Variants in SNCAIP observed in about 807,000 individuals in gnomAD.
SNCAIP encodes synuclein alpha interacting protein.
SNCAIP carries 43 observed loss-of-function variants against 86.7 expected under a neutral mutation model. The observed-to-expected ratio is 0.50, with a 90% CI of 0.39 to 0.64. The LOEUF is 0.64. Among genes scored for constraint, SNCAIP ranks in the 30% least tolerant of loss-of-function variants. SNCAIP has a pLI of 0.00. For missense variants in SNCAIP, 981 were observed against 1,103.1 expected, an observed-to-expected ratio of 0.89 and a Z score of 1.57; for synonymous variants, 417 against 427.2, an observed-to-expected ratio of 0.98 and a Z score of 0.29.
chr5:122,326,329 A>G (rs537593389), intron 1 of SNCAIP, among the ~76,000 whole-genome samples: 17 of 152,280 alleles, frequency 1.1e-4, no homozygotes, highest in African/African-American at 4.1e-4. Context: ...TAAGCCACAT[A>G]AAGTAGGTCA....
intron 1 of SNCAIP, among the ~76,000 whole-genome samples, chr5:122,367,154 A>G (rs1763350164): frequency 6.6e-6 from 1 of 152,104 alleles, no homozygotes; most frequent in South Asian, 2.1e-4. Flanking sequence ...AGAGATATCC[A>G]GGAGCAGATG....
At position 122,391,294 on chromosome 5, in the gene SNCAIP, A is replaced by G. The variant is rs575275803; in HGVS notation, c.57+103A>G. 327 of 869,426 alleles carry G rather than the reference A, an allele frequency of 3.8e-4. 4 individuals carry two copies. In the South Asian group the frequency reaches 4.1e-3, roughly 11 times the overall value. 53.9% of individuals were successfully genotyped at this position (869,426 alleles called of 1,614,324 possible). A position where few individuals can be genotyped will look rare whatever the true frequency, so the allele number is the denominator to read the frequency against. On this transcript the variant is annotated intron_variant, in intron 2 of 10. Transcript: ENST00000261368. ...CTATATATCCTCAACTTTTCTGACT[A>G]CATTTAGAAATTCACAGCAGAAATC...
intron 3 of SNCAIP, among the ~76,000 whole-genome samples, chr5:122,406,873 C>T (rs531875284): frequency 6.6e-6 from 1 of 152,068 alleles, no homozygotes; most frequent in South Asian, 2.1e-4. Flanking sequence ...AATATGATAC[C>T]CCACGAGACA....
At chr5:122,351,860 G>T (rs1209622756) in intron 1 of SNCAIP, among the ~76,000 whole-genome samples, 3 of 152,132 alleles carry the variant, frequency 2.0e-5, no homozygotes, top group African/African-American at 7.2e-5. Flanking sequence ...CCAGATGATG[G>T]CTTTGCTTAG....
intron 7 of SNCAIP, chr5:122,444,072 T>A (rs1435825235): frequency 2.2e-6 from 1 of 457,004 alleles, no homozygotes; most frequent in East Asian, 6.9e-5. Flanking sequence ...CTCAGCCATG[T>A]CATTTCTTTC....
intron 1 of SNCAIP, among the ~76,000 whole-genome samples, chr5:122,388,407 T>G (rs1227519595): frequency 6.6e-6 from 1 of 152,218 alleles, no homozygotes; most frequent in Non-Finnish European, 1.5e-5. Flanking sequence ...GAAGGCTTAT[T>G]GGTTTCCATA....
At chr5:122,315,914 G>T (rs910976602) in intron 1 of SNCAIP, among the ~76,000 whole-genome samples, 12 of 152,060 alleles carry the variant, frequency 7.9e-5, no homozygotes, top group Non-Finnish European at 1.6e-4. Context: ...CTGATTATAG[G>T]GGGTTAGTAA....
chr5:122,340,369 A>G lies in SNCAIP; in HGVS notation c.-47+28085A>G, dbSNP rs572545010. On this transcript the variant is annotated intron_variant, in intron 1 of 10. Transcript: ENST00000261368. ...ATTGTATATGTGAACACAGAGAGCC[A>G]TCATGTTTTCCCCTTCATTTATGCT... is the stretch of plus-strand genomic sequence containing the variant. Among the ~76,000 whole-genome samples the G allele has an allele frequency of 3.3e-5, 5 of 152,346 alleles. No individual in the cohort carries two copies. In the South Asian group the frequency reaches 1.0e-3, roughly 32 times the overall value.
chr5:122,451,137 C>G lies in SNCAIP; in HGVS notation c.2290C>G (p.Pro764Ala). 1 of 1,614,192 alleles carries G rather than the reference C, an allele frequency of 6.2e-7. No individual in the cohort carries two copies. Among genetic ancestry groups the G allele is most frequent in the East Asian group, 2.2e-5 (1 of 44,878 alleles). ...CGAACCAGACTTAGAATCCCAGTAT[C>G]CAGGCTCAGGGAGTATTCCTCCAAA... is the stretch of plus-strand genomic sequence containing the variant. ...SSEPDLESQY[P>A]GSGSIPPNQP... The change falls in exon 10 of 11, where the codon CCA (proline) becomes GCA (alanine). Residue 764 changes from proline to alanine, a missense_variant. Pro to Ala is a conservative substitution (Grantham distance 27). Transcript: ENST00000261368.
chr5:122,391,082 C>T lies in SNCAIP; in HGVS notation c.-46-7C>T, dbSNP rs551131912. On this transcript the variant is annotated splice_region_variant and splice_polypyrimidine_tract_variant and intron_variant, in intron 1 of 10. Coordinates refer to ENST00000261368, the MANE Select transcript of SNCAIP (RefSeq NM_005460.4). ...TTGCCTTTCTTTTCTGCTTCTGTCT[C>T]GTTCAGGAATTTATAAGTATTTGAC... 54 of 1,456,732 alleles carry T rather than the reference C, an allele frequency of 3.7e-5. No homozygotes were observed. The highest frequency in any genetic ancestry group is 4.6e-5 in the Non-Finnish European group (48 of 1,036,848). 90.2% of individuals were successfully genotyped at this position (1,456,732 alleles called of 1,614,324 possible). A position where few individuals can be genotyped will look rare whatever the true frequency, so the allele number is the denominator to read the frequency against.
At chr5:122,312,823 T>C (rs1289117379) in intron 1 of SNCAIP, 1 of 152,408 alleles carries the variant, frequency 6.6e-6, no homozygotes, top group Non-Finnish European at 1.5e-5. Flanking sequence ...AGCCTCCCTC[T>C]AGTGCTGTTC....
chr5:122,345,212 T>G (rs1335003642), intron 1 of SNCAIP, among the ~76,000 whole-genome samples: 1 of 152,218 alleles, frequency 6.6e-6, no homozygotes, highest in African/African-American at 2.4e-5. Flanking sequence ...AAAAATGTTG[T>G]ATCAAATTTT....
intron 1 of SNCAIP, 122 bp downstream of exon 1, chr5:122,312,406 G>A (rs1750766155): frequency 1.3e-5 from 2 of 152,336 alleles, no homozygotes; most frequent in South Asian, 4.1e-4. Context: ...CCAAGCCCCG[G>A]GACCCCTTTG....
At position 122,342,740 on chromosome 5, in the gene SNCAIP, A is replaced by C. The variant is rs1286894832; in HGVS notation, c.-47+30456A>C. Among the ~76,000 whole-genome samples, 7 of 152,208 alleles carry C rather than the reference A, an allele frequency of 4.6e-5. No homozygotes were observed. In the East Asian group the frequency reaches 1.2e-3, roughly 25 times the overall value. ...CTAAACACAGCCCTGTGTCCCCTGC[A>C]CCAGCTATCTGCCTCACTCACCAGT... is the stretch of plus-strand genomic sequence containing the variant. On this transcript the variant is annotated intron_variant, in intron 1 of 10. Coordinates refer to ENST00000261368, the MANE Select transcript of SNCAIP (RefSeq NM_005460.4).
At chr5:122,437,611 A>G (rs1325377939) in intron 6 of SNCAIP, among the ~76,000 whole-genome samples, 1 of 152,236 alleles carries the variant, frequency 6.6e-6, no homozygotes, top group East Asian at 1.9e-4. Flanking sequence ...GGTGCTAGGC[A>G]AAACCTTGTT....
At chr5:122,325,764 A>G (rs1417736214) in intron 1 of SNCAIP, among the ~76,000 whole-genome samples, 1 of 152,212 alleles carries the variant, frequency 6.6e-6, no homozygotes, top group Non-Finnish European at 1.5e-5. Context: ...TTTACAAAGT[A>G]TTCGCAATAT....
chr5:122,399,406 C>T (rs1007038374), intron 2 of SNCAIP, among the ~76,000 whole-genome samples: 1 of 152,170 alleles, frequency 6.6e-6, no homozygotes, highest in Non-Finnish European at 1.5e-5. Flanking sequence ...CAATCCAGAT[C>T]TTATGGCTCC....
intron 1 of SNCAIP, among the ~76,000 whole-genome samples, chr5:122,356,325 T>G (rs1761012141): frequency 6.6e-6 from 1 of 152,010 alleles, no homozygotes; most frequent in Non-Finnish European, 1.5e-5. Context: ...CCTACATTGC[T>G]CAGGCTGGTC....
chr5:122,368,871 A>G (rs1213468643), intron 1 of SNCAIP, among the ~76,000 whole-genome samples: 1 of 152,220 alleles, frequency 6.6e-6, no homozygotes, highest in African/African-American at 2.4e-5. Context: ...ACTGCCTCAG[A>G]GAGAATTGAA....
Sources: allele counts gnomAD v4.1 joint callset (sites outside exome capture counted in the v4.1 genomes callset), GRCh38; gene constraint gnomAD v4.1.1; transcripts MANE v1.5; gene names NCBI Gene and HGNC (gene_info 2026-07-23, HGNC 2026-07-21).